Variants in CHCHD3 observed in about 807,000 individuals in gnomAD.
The protein encoded by CHCHD3 is MICOS complex subunit MIC19.
In CHCHD3, 20 loss-of-function variants were observed where a neutral mutation model predicts 38.2. The observed-to-expected ratio is 0.52, with a 90% CI of 0.37 to 0.76. The LOEUF is 0.76. Ranked by LOEUF, CHCHD3 falls within the 30% of genes least tolerant of loss-of-function variation. The pLI is 0.00. For missense variants in CHCHD3, 245 were observed against 279.2 expected (o/e 0.88, Z 0.87); for synonymous variants, 82 against 100.0 (o/e 0.82, Z 1.07).
intron 3 of CHCHD3, among the ~76,000 whole-genome samples, chr7:132,998,714 A>C (rs1176244125): frequency 6.6e-6 from 1 of 152,218 alleles, no homozygotes; most frequent in Admixed American, 6.5e-5. Flanking sequence ...AACTGTAATA[A>C]AGTAGCAAGT....
intron 5 of CHCHD3, among the ~76,000 whole-genome samples, chr7:132,839,549 C>T (rs1327182492): frequency 6.6e-6 from 1 of 152,222 alleles, no homozygotes; most frequent in Non-Finnish European, 1.5e-5. Context: ...AACACCACCA[C>T]AATACGGTAG....
chr7:132,829,203 G>A (rs529934680), intron 6 of CHCHD3, among the ~76,000 whole-genome samples: 22 of 152,258 alleles, frequency 1.4e-4, no homozygotes, highest in Non-Finnish European at 2.8e-4. Context: ...TGTGAGCTGT[G>A]TAGTTAATTA....
chr7:132,878,385 C>T (rs1228596326), intron 5 of CHCHD3, among the ~76,000 whole-genome samples: 2 of 152,106 alleles, frequency 1.3e-5, no homozygotes, highest in African/African-American at 4.8e-5. Flanking sequence ...GCCAATTAAT[C>T]ATACAGATGA....
chr7:132,893,859 C>T (rs1476591553), intron 4 of CHCHD3, among the ~76,000 whole-genome samples: 3 of 152,192 alleles, frequency 2.0e-5, no homozygotes, highest in Admixed American at 6.5e-5. Context: ...TTCCTGAGGC[C>T]TCCTCAGCCA....
intron 5 of CHCHD3, among the ~76,000 whole-genome samples, chr7:132,879,533 C>T (rs548594236): frequency 6.6e-6 from 1 of 151,818 alleles, no homozygotes; most frequent in East Asian, 1.9e-4. Flanking sequence ...GGAGACAAGG[C>T]CCTTCATCCT....
chr7:132,929,792 A>C (rs1421718877), intron 4 of CHCHD3, among the ~76,000 whole-genome samples: 1 of 152,170 alleles, frequency 6.6e-6, no homozygotes, highest in Non-Finnish European at 1.5e-5. Flanking sequence ...TGGGCACAGG[A>C]AGCTTTCCTT....
intron 5 of CHCHD3, among the ~76,000 whole-genome samples, chr7:132,859,620 C>T (rs981207534): frequency 6.6e-6 from 1 of 152,218 alleles, no homozygotes; most frequent in Non-Finnish European, 1.5e-5. Flanking sequence ...TGGCTTTTGT[C>T]CAGCCCAGAT....
At chr7:133,024,909 T>C (rs1042115972) in intron 2 of CHCHD3, among the ~76,000 whole-genome samples, 3 of 152,154 alleles carry the variant, frequency 2.0e-5, no homozygotes, top group African/African-American at 7.2e-5. Flanking sequence ...ACTGAGTCAG[T>C]AAGGACCAAT....
intron 6 of CHCHD3, among the ~76,000 whole-genome samples, chr7:132,809,664 A>T (rs979904540): frequency 2.0e-5 from 3 of 152,222 alleles, no homozygotes; most frequent in African/African-American, 4.8e-5. Context: ...CCTCAAAGTG[A>T]AGGACAGATG....
chr7:132,913,620 G>C (rs150264742), intron 4 of CHCHD3, among the ~76,000 whole-genome samples: 1 of 152,316 alleles, frequency 6.6e-6, no homozygotes, highest in African/African-American at 2.4e-5. Flanking sequence ...TCCTGCAACA[G>C]GGAGGTCTAC....
chr7:132,963,184 G>T (rs1259004045), intron 4 of CHCHD3, among the ~76,000 whole-genome samples: 1 of 149,072 alleles, frequency 6.7e-6, no homozygotes, highest in Non-Finnish European at 1.5e-5. Flanking sequence ...TATGTAGGCA[G>T]AAATAGAATG....
At chr7:133,011,798 CT>C (rs1812880096) in intron 3 of CHCHD3, among the ~76,000 whole-genome samples, 1 of 152,142 alleles carries the variant, frequency 6.6e-6, no homozygotes, top group Admixed American at 6.5e-5. Flanking sequence ...AATAAAAAAT[CT>C]TTAAAAAATT....
chr7:132,796,362 C>T (rs1806611943), intron 7 of CHCHD3, 80 bp downstream of exon 7: 7 of 1,503,998 alleles, frequency 4.7e-6, no homozygotes, highest in Middle Eastern at 2.3e-4. Flanking sequence ...CACAGTGGCC[C>T]ATTTAGTCCT....
chr7:132,973,020 CT>C (rs1811650266), intron 4 of CHCHD3: 1 of 985,154 alleles, frequency 1.0e-6, no homozygotes, highest in Non-Finnish European at 1.2e-6. Context: ...AGTAACAAAT[CT>C]TTTGATACTT....
intron 3 of CHCHD3, among the ~76,000 whole-genome samples, chr7:132,978,500 G>A (rs1420992351): frequency 2.6e-5 from 4 of 151,972 alleles, no homozygotes; most frequent in Non-Finnish European, 4.4e-5. Context: ...TATCAAACAC[G>A]CAAGAAAAAG....
chr7:132,894,356 C>T (rs1241895479), intron 4 of CHCHD3, among the ~76,000 whole-genome samples: 1 of 152,162 alleles, frequency 6.6e-6, no homozygotes, highest in Non-Finnish European at 1.5e-5. Flanking sequence ...GACTTGGGTG[C>T]CCATGTTGAC....
rs565531200 is a variant in CHCHD3, at chr7:132,918,166, T to C, written c.370-32421A>G. ...AGTTAAGATCTCACCTACCACTGTA[T>C]TCAAAAAAATCTATAGCATTGAAAA... On this transcript the variant is annotated intron_variant, in intron 4 of 7. Transcript: ENST00000262570. Among the ~76,000 whole-genome samples, 10 of 152,296 alleles carry C rather than the reference T, an allele frequency of 6.6e-5. No individual in the cohort carries two copies. In the East Asian group the frequency reaches 1.9e-3, roughly 29 times the overall value.
chr7:133,053,669 A>T (rs982941082), intron 2 of CHCHD3, among the ~76,000 whole-genome samples: 3 of 152,348 alleles, frequency 2.0e-5, no homozygotes, highest in East Asian at 1.9e-4. Flanking sequence ...TCTTCAAAAT[A>T]GTTGGCAATT....
At chr7:132,889,387 G>C (rs1585607887) in intron 4 of CHCHD3, among the ~76,000 whole-genome samples, 3 of 152,088 alleles carry the variant, frequency 2.0e-5, no homozygotes, top group Non-Finnish European at 2.9e-5. Context: ...AACACTAAGA[G>C]AATTCAACAC....
Sources: allele counts gnomAD v4.1 joint callset (sites outside exome capture counted in the v4.1 genomes callset), GRCh38; gene constraint gnomAD v4.1.1; transcripts MANE v1.5; gene names NCBI Gene and HGNC (gene_info 2026-07-23, HGNC 2026-07-21).